Variants in RIMKLB observed in about 807,000 individuals in gnomAD.
The protein encoded by RIMKLB is ribosomal modification protein rimK like family member B.
A neutral mutation model predicts 32.0 loss-of-function variants in RIMKLB; 7 were observed. The ratio of observed to expected loss-of-function variants is 0.22; its 90% CI spans 0.12 to 0.41. The LOEUF (loss-of-function observed/expected upper bound fraction) is 0.41. Ranked by LOEUF, RIMKLB falls within the 10% of genes least tolerant of loss-of-function variation. The pLI is 1.00. For synonymous variants in RIMKLB, 172 were observed against 185.1 expected (o/e 0.93, Z 0.57); for missense variants, 289 against 498.7 (o/e 0.58, Z 4.00).
chr12:8,735,311 C>T (rs778609589), intron 2 of RIMKLB, among the ~76,000 whole-genome samples: 1 of 152,220 alleles, frequency 6.6e-6, no homozygotes, highest in African/African-American at 2.4e-5. Flanking sequence ...CCCATTGCAT[C>T]CTCTACCTCC....
At chr12:8,761,562 A>C (rs1949527319) in intron 5 of RIMKLB, among the ~76,000 whole-genome samples, 1 of 151,952 alleles carries the variant, frequency 6.6e-6, no homozygotes, top group Non-Finnish European at 1.5e-5. Context: ...ATATGATTTG[A>C]CTATTTCTTT....
intron 1 of RIMKLB, among the ~76,000 whole-genome samples, chr12:8,703,527 AC>A (rs1298054219): frequency 6.6e-6 from 1 of 151,636 alleles, no homozygotes; most frequent in Non-Finnish European, 1.5e-5. Context: ...TAGAGATGAG[AC>A]CCCACTATGT....
intron 2 of RIMKLB, among the ~76,000 whole-genome samples, chr12:8,748,436 A>G (rs1211789369): frequency 5.3e-5 from 8 of 151,742 alleles, no homozygotes; most frequent in East Asian, 1.9e-4. Flanking sequence ...CAGTATATAT[A>G]GTTCTTACAG....
intron 1 of RIMKLB, among the ~76,000 whole-genome samples, chr12:8,701,675 G>A (rs11046855): frequency 0.034 from 4,945 of 143,438 alleles, 293 homozygotes; most frequent in African/African-American, 0.12. Flanking sequence ...AAGAGAACCC[G>A]AAAACATTAA....
chr12:8,691,583 G>A (rs1375332776), intron 1 of RIMKLB, among the ~76,000 whole-genome samples: 2 of 152,108 alleles, frequency 1.3e-5, no homozygotes, highest in African/African-American at 4.8e-5. Flanking sequence ...TCCCGCCTGG[G>A]TGACAGAGTG....
chr12:8,756,851 T>C (rs1241002479), intron 5 of RIMKLB, among the ~76,000 whole-genome samples: 1 of 151,884 alleles, frequency 6.6e-6, no homozygotes, highest in East Asian at 1.9e-4. Context: ...ACCCCAATGC[T>C]GGGCTAATTT....
chr12:8,775,844 C>T lies in RIMKLB; in HGVS notation c.*2060C>T. On this transcript the variant is annotated 3_prime_UTR_variant, in exon 6 of 6. Transcript: ENST00000535829. Reference sequence around the variant, plus strand: ...AATTTATCTTAGGATATTCTAATTGCATTTAAAAGAACTTATCTTGCGCAG... The same window carrying T: ...AATTTATCTTAGGATATTCTAATTGTATTTAAAAGAACTTATCTTGCGCAG... 1 of 984,760 alleles carries T rather than the reference C, an allele frequency of 1.0e-6. No homozygotes were observed. The highest frequency in any genetic ancestry group is 1.2e-6 in the Non-Finnish European group (1 of 829,322). 61.0% of individuals were successfully genotyped at this position (984,760 alleles called of 1,614,324 possible).
At chr12:8,716,324 A>G (rs1471291557) in intron 2 of RIMKLB, among the ~76,000 whole-genome samples, 1 of 151,994 alleles carries the variant, frequency 6.6e-6, no homozygotes, top group Admixed American at 6.5e-5. Context: ...ATTCTATCAC[A>G]GTGGAACTTG....
intron 2 of RIMKLB, among the ~76,000 whole-genome samples, chr12:8,746,099 C>CTT (rs1948060722): frequency 6.6e-6 from 1 of 151,838 alleles, no homozygotes; most frequent in South Asian, 2.1e-4. Context: ...AGTAATTCTA[C>CTT]TTTAAAATCC....
At chr12:8,739,205 C>G (rs1947277833) in intron 2 of RIMKLB, among the ~76,000 whole-genome samples, 2 of 152,112 alleles carry the variant, frequency 1.3e-5, no homozygotes, top group African/African-American at 2.4e-5. Flanking sequence ...AGTTCGATAT[C>G]AAGGTACTGG....
intron 2 of RIMKLB, among the ~76,000 whole-genome samples, chr12:8,741,701 A>C (rs1555166126): frequency 6.9e-6 from 1 of 145,710 alleles, no homozygotes; most frequent in African/African-American, 2.6e-5. Flanking sequence ...AATGGTGTGA[A>C]CCCAGGAGGC....
At chr12:8,769,094 A>G (rs928660099) in intron 5 of RIMKLB, among the ~76,000 whole-genome samples, 3 of 152,208 alleles carry the variant, frequency 2.0e-5, no homozygotes, top group African/African-American at 7.2e-5. Context: ...GTATTAATAC[A>G]AAGCATTTTT....
rs1173118125 is a variant in RIMKLB at position 8,753,975 on chromosome 12, G to A, written c.579G>A (p.Gln193=). ...LIRHEAPYLF[Q]KYVKESHGRD... The stretch of plus-strand genomic sequence containing the variant: ...GCCATGAAGCGCCATACCTGTTCCA[G>A]AAGTATGTTAAAGAGTCTCATGGAC... The change falls in exon 5 of 6, where the codon CAG becomes CAA. Residue 193 remains glutamine (Q), a synonymous_variant. Transcript: ENST00000535829. The A allele has an allele frequency of 6.2e-7, 1 of 1,613,904 alleles. No individual in the cohort carries two copies. Among genetic ancestry groups the A allele is most frequent in the African/African-American group, 1.3e-5 (1 of 75,038 alleles).
chr12:8,733,727 G>T (rs1428501677), intron 2 of RIMKLB, among the ~76,000 whole-genome samples: 1 of 152,054 alleles, frequency 6.6e-6, no homozygotes, highest in Non-Finnish European at 1.5e-5. Flanking sequence ...AAAATAAAAA[G>T]AAGAAATTAG....
At chr12:8,754,871 C>A (rs933394313) in intron 5 of RIMKLB, among the ~76,000 whole-genome samples, 2 of 152,168 alleles carry the variant, frequency 1.3e-5, no homozygotes, top group Non-Finnish European at 2.9e-5. Flanking sequence ...CTCACTGCAG[C>A]CTCAACCTCC....
chr12:8,698,658 G>C (rs1016117002), intron 1 of RIMKLB, among the ~76,000 whole-genome samples: 1 of 152,012 alleles, frequency 6.6e-6, no homozygotes, highest in African/African-American at 2.4e-5. Flanking sequence ...GGCTGGAGTC[G>C]GACCCGCGGG....
chr12:8,764,205 TC>T (rs1949764807), intron 5 of RIMKLB, among the ~76,000 whole-genome samples: 1 of 152,114 alleles, frequency 6.6e-6, no homozygotes, highest in South Asian at 2.1e-4. Flanking sequence ...AGGGGGTACT[TC>T]CTTTGGCAGG....
chr12:8,679,700 T>C (rs1942367845), upstream of RIMKLB: 2 of 152,368 alleles, frequency 1.3e-5, 1 homozygote, highest in Non-Finnish European at 2.9e-5. Context: ...ATGTATTCTC[T>C]TTTAGACCAC....
chr12:8,693,128 G>A (rs1326339747), upstream of RIMKLB, among the ~76,000 whole-genome samples: 1 of 152,124 alleles, frequency 6.6e-6, no homozygotes, highest in Non-Finnish European at 1.5e-5. Context: ...TGTGTATAGG[G>A]CACTTAAAGG....
Sources: allele counts gnomAD v4.1 joint callset (sites outside exome capture counted in the v4.1 genomes callset), GRCh38; gene constraint gnomAD v4.1.1; transcripts MANE v1.5; gene names NCBI Gene and HGNC (gene_info 2026-07-23, HGNC 2026-07-21).